Variants in VAV2 observed in about 807,000 individuals in gnomAD.
The protein encoded by VAV2 is vav guanine nucleotide exchange factor 2, also known as guanine nucleotide exchange factor VAV2.
VAV2 carries 67 observed loss-of-function variants against 132.5 expected under a neutral mutation model. That is an observed-to-expected ratio of 0.51 (90% CI 0.42 to 0.62). VAV2 has a LOEUF of 0.62. VAV2 is among the 20% of genes least tolerant of loss of function. VAV2 has a pLI of 0.00. For synonymous variants in VAV2, 492 were observed against 443.5 expected (o/e 1.11, Z -1.37); for missense variants, 938 against 1,153.6 (o/e 0.81, Z 2.71).
intron 2 of VAV2, among the ~76,000 whole-genome samples, chr9:133,886,919 G>A (rs1168736613): frequency 6.6e-6 from 1 of 152,246 alleles, no homozygotes; most frequent in South Asian, 2.1e-4. Context: ...AAGATGCACA[G>A]GAGGCCCAGG....
At chr9:133,870,498 G>A (rs1458455210) in intron 2 of VAV2, among the ~76,000 whole-genome samples, 1 of 152,174 alleles carries the variant, frequency 6.6e-6, no homozygotes, top group Non-Finnish European at 1.5e-5. Flanking sequence ...ACTCTTCCTG[G>A]AGCTTTCAAC....
In VAV2 at chr9:133,913,393, C is replaced by T. The variant is rs144631107; in HGVS notation, c.321+25710G>A. ...CACAGAAGGGACCTCACTACACCAG[C>T]GAGAAGAAGAAACCAAAGTCCTTGT... On this transcript the variant is annotated intron_variant, in intron 2 of 29. Transcript: ENST00000371850. Among the ~76,000 whole-genome samples the T allele has an allele frequency of 3.6e-3, 550 of 152,346 alleles. 4 individuals are homozygous for T. Among genetic ancestry groups the T allele is most frequent in the Admixed American group, 7.2e-3 (110 of 15,306 alleles).
intron 25 of VAV2, among the ~76,000 whole-genome samples, chr9:133,774,458 A>C (rs983323994): frequency 6.6e-6 from 1 of 152,188 alleles, no homozygotes; most frequent in Admixed American, 6.5e-5. Context: ...GGCGGCTCCC[A>C]GGGAGAGGGC....
intron 19 of VAV2, among the ~76,000 whole-genome samples, chr9:133,781,082 T>C (rs1833991716): frequency 6.6e-6 from 1 of 152,176 alleles, no homozygotes; most frequent in Admixed American, 6.5e-5. Context: ...CCACAATCGC[T>C]TAGTGATGCC....
chr9:133,767,650 GC>G (rs1467922030), intron 29 of VAV2, among the ~76,000 whole-genome samples: 1 of 152,182 alleles, frequency 6.6e-6, no homozygotes, highest in African/African-American at 2.4e-5. Flanking sequence ...AGACTTGAGG[GC>G]CTCCAAGGGG....
At chr9:133,867,233 T>A (rs1185290467) in intron 2 of VAV2, among the ~76,000 whole-genome samples, 1 of 152,176 alleles carries the variant, frequency 6.6e-6, no homozygotes, top group South Asian at 2.1e-4. Flanking sequence ...AAGGCCAGCA[T>A]CAAGGCTCAA....
chr9:133,790,066 C>A (rs991670709), intron 13 of VAV2, among the ~76,000 whole-genome samples: 1 of 152,220 alleles, frequency 6.6e-6, no homozygotes, highest in Non-Finnish European at 1.5e-5. Flanking sequence ...TGCTCCAGGC[C>A]TCTGATCTCA....
chr9:133,987,034 T>C (rs1352889443), intron 1 of VAV2, among the ~76,000 whole-genome samples: 1 of 149,392 alleles, frequency 6.7e-6, no homozygotes, highest in African/African-American at 2.4e-5. Flanking sequence ...TTATTTATTA[T>C]ATATTTATTT....
intron 22 of VAV2, among the ~76,000 whole-genome samples, chr9:133,778,438 G>A (rs1341390566): frequency 6.6e-6 from 1 of 152,214 alleles, no homozygotes; most frequent in Admixed American, 6.5e-5. Flanking sequence ...CACAACAGAG[G>A]CAGGAAGGAC....
intron 1 of VAV2, among the ~76,000 whole-genome samples, chr9:133,958,500 C>CT: frequency 6.6e-6 from 1 of 150,908 alleles, no homozygotes; most frequent in East Asian, 1.9e-4. Flanking sequence ...TCTGCTGACC[C>CT]TCTCCCCACT....
At position 133,772,092 on chromosome 9, in the gene VAV2, G is replaced by GT. The variant is rs771684457; in HGVS notation, c.2136-47_2136-46insA. ...GGCGGTCACCGCGTGAGGGCCACAC[G>GT]GCCCCGGCCCCCTTGGCAGCCAGGC... is the stretch of plus-strand genomic sequence containing the variant. On this transcript the variant is annotated intron_variant, in intron 25 of 29. Coordinates refer to ENST00000371850, the MANE Select transcript of VAV2 (RefSeq NM_001134398.2). 3.0e-5 allele frequency: 46 copies of GT among 1,525,582 alleles called. 1 individual carries two copies. In the South Asian group the frequency reaches 5.2e-4, roughly 17 times the overall value. The allele number at this position is 1,525,582 out of a possible 1,614,324, so 94.5% of individuals were successfully genotyped here.
In VAV2 at chr9:133,768,489, G is replaced by A. The variant is rs149037213; in HGVS notation, c.2542C>T (p.Arg848Cys). The change falls in exon 29 of 30, where the codon CGC becomes TGC. Residue 848 changes from arginine (R) to cysteine (C), a missense_variant. Physicochemically the swap from Arg to Cys is radical, Grantham distance 180. Coordinates refer to ENST00000371850, the MANE Select transcript of VAV2 (RefSeq NM_001134398.2). The surrounding 1 kb of genome is among the most constrained non-coding windows in gnomAD (Gnocchi z 5.3). ...CACCAGCCCTGGTCTCCGCCGATGC[G>A]GCTGTAGATCCTCACCACGTCACCC... is the stretch of plus-strand genomic sequence containing the variant. ...REGDVVRIYS[R>C]IGGDQGWWKG... 47 of 1,613,782 alleles carry A rather than the reference G, an allele frequency of 2.9e-5. No individual in the cohort carries two copies. The highest frequency in any genetic ancestry group is 3.5e-5 in the Non-Finnish European group (41 of 1,179,992).
Position 133,943,644 on chromosome 9 carries a change from G to A in VAV2, c.205-4425C>T, listed in dbSNP as rs567720286. Among the ~76,000 whole-genome samples, 41 of 152,152 alleles carry A rather than the reference G, an allele frequency of 2.7e-4. 1 individual carries two copies. Among genetic ancestry groups the A allele is most frequent in the Non-Finnish European group, 4.6e-4 (31 of 68,012 alleles). ...TGAGTGCCCTCTCCCCCAGGCTGGC[G>A]GCTATGGGGTCCCCACTGTGTTTGT... On this transcript the variant is annotated intron_variant, in intron 1 of 29. Transcript: ENST00000371850.
rs899093452 is a variant in VAV2, at chr9:133,804,348, G to A, written c.836+1733C>T. On this transcript the variant is annotated intron_variant, in intron 9 of 29. Coordinates refer to ENST00000371850, the MANE Select transcript of VAV2 (RefSeq NM_001134398.2). This position sits in a 1 kb window ranked among gnomAD's most constrained non-coding sequence, Gnocchi z 4.5. ...CTCGCTGCCAGGGACGGAGCTGCCC[G>A]TCCACAGAGCTCTTGGGCTGGGCCT... is the stretch of plus-strand genomic sequence containing the variant. 1.2e-4 allele frequency among the ~76,000 whole-genome samples: 19 copies of A among 152,224 alleles called. No individual in the cohort carries two copies. Among genetic ancestry groups the A allele is most frequent in the Admixed American group, 2.6e-4 (4 of 15,282 alleles).
chr9:133,879,710 C>A lies in VAV2; in HGVS notation c.322-18278G>T, dbSNP rs1481274755. Among the ~76,000 whole-genome samples the A allele has an allele frequency of 1.3e-5, 2 of 152,174 alleles. No individual in the cohort carries two copies. The highest frequency in any genetic ancestry group is 1.5e-5 in the Non-Finnish European group (1 of 68,038). The stretch of plus-strand genomic sequence containing the variant: ...CAAGAACCTGCTCTCCCTTCCAAAG[C>A]AGAACCTATCCGAGAATCCCTACCG... On this transcript the variant is annotated intron_variant, in intron 2 of 29. Transcript: ENST00000371850. The surrounding 1 kb of genome is among the most constrained non-coding windows in gnomAD (Gnocchi z 4.4).
At chr9:133,983,065 G>T (rs1842748223) in intron 1 of VAV2, among the ~76,000 whole-genome samples, 1 of 152,194 alleles carries the variant, frequency 6.6e-6, no homozygotes, top group African/African-American at 2.4e-5. Flanking sequence ...GGCAGAGAAG[G>T]AAGTGACTTC....
At chr9:133,801,082 C>T (rs1438899571) in intron 9 of VAV2, among the ~76,000 whole-genome samples, 3 of 152,224 alleles carry the variant, frequency 2.0e-5, no homozygotes, top group Non-Finnish European at 4.4e-5. Flanking sequence ...CCCCAGCACC[C>T]AGCCCGGAGC....
At position 133,991,061 on chromosome 9, in the gene VAV2, C is replaced by A. The variant is rs566369131; in HGVS notation, c.204+1014G>T. ...TCTCCCTCCTTCCCAGGAACCACGT[C>A]CTAAGTCCCACTGGTGAATGGTCCC... is the stretch of plus-strand genomic sequence containing the variant. On this transcript the variant is annotated intron_variant, in intron 1 of 29. Coordinates refer to ENST00000371850, the MANE Select transcript of VAV2 (RefSeq NM_001134398.2). The surrounding 1 kb of genome is among the most constrained non-coding windows in gnomAD (Gnocchi z 4.8). 7.2e-5 allele frequency among the ~76,000 whole-genome samples: 11 copies of A among 152,320 alleles called. No individual in the cohort carries two copies. The South Asian group carries it at 1.9e-3, about 26-fold the overall frequency.
chr9:133,942,450 T>C (rs894967472), intron 1 of VAV2, among the ~76,000 whole-genome samples: 1 of 152,272 alleles, frequency 6.6e-6, no homozygotes, highest in African/African-American at 2.4e-5. Context: ...GGTGCTTGGT[T>C]AGGACAGCCC....
Sources: gnomAD v4.1 joint callset for allele counts (sites outside exome capture counted in the v4.1 genomes callset) on GRCh38, gnomAD v4.1.1 for gene constraint, Gnocchi (gnomAD v3.1) non-coding constraint, MANE v1.5 for transcripts, NCBI Gene and HGNC (gene_info 2026-07-23, HGNC 2026-07-21) for gene names.